The following IQANK1 variants were observed in gnomAD, a reference collection of about 807,000 sequenced individuals.
IQANK1 encodes IQ motif and ankyrin repeat domain-containing protein 1.
In IQANK1, 30 loss-of-function variants were observed where a neutral mutation model predicts 22.6. That is an observed-to-expected ratio of 1.33 (90% CI 0.99 to 1.80). The LOEUF (loss-of-function observed/expected upper bound fraction) is 1.80. Among genes scored for constraint, IQANK1 ranks in the 40% most tolerant of loss-of-function variants. IQANK1 has a pLI of 0.00. For synonymous variants in IQANK1, 122 were observed against 99.6 expected (o/e 1.23, Z -1.34); for missense variants, 275 against 235.2 (o/e 1.17, Z -1.11).
intron 3 of IQANK1, among the ~76,000 whole-genome samples, chr8:143,757,868 T>G (rs1819322086): frequency 6.6e-6 from 1 of 152,176 alleles, no homozygotes. Flanking sequence ...CCTAGAAACT[T>G]CACTGACATT....
chr8:143,768,194 T>C (rs1563775638), intron 3 of IQANK1, among the ~76,000 whole-genome samples: 1 of 151,720 alleles, frequency 6.6e-6, no homozygotes, highest in Non-Finnish European at 1.5e-5. Context: ...AGGCTCTGTT[T>C]CTAAAAATTA....
intron 3 of IQANK1, among the ~76,000 whole-genome samples, chr8:143,770,478 C>T (rs1279732989): frequency 6.6e-6 from 1 of 152,248 alleles, no homozygotes; most frequent in African/African-American, 2.4e-5. Flanking sequence ...CACCCTGCCC[C>T]CGCTGGCTGC....
chr8:143,771,348 C>G lies in IQANK1; in HGVS notation c.176-140C>G, dbSNP rs1166227549. On this transcript the variant is annotated intron_variant, in intron 3 of 13. Transcript: ENST00000527139. The surrounding 1 kb of genome is among the most constrained non-coding windows in gnomAD (Gnocchi z 6.0). Reference sequence around the variant, plus strand: ...GCCTCTGCGGGCGGGAACCCCGGCTCGGCCGCGCTGGGGGCTTTGAGAGCC... The same window carrying G: ...GCCTCTGCGGGCGGGAACCCCGGCTGGGCCGCGCTGGGGGCTTTGAGAGCC... The G allele has an allele frequency of 5.3e-6, 2 of 377,308 alleles. No individual in the cohort carries two copies. The highest frequency in any genetic ancestry group is 7.5e-5 in the East Asian group (2 of 26,826). 23.4% of individuals were successfully genotyped at this position (377,308 alleles called of 1,614,324 possible). A position where few individuals can be genotyped will look rare whatever the true frequency, so the allele number is the denominator to read the frequency against.
At chr8:143,763,898 T>A (rs1440845564) in intron 3 of IQANK1, among the ~76,000 whole-genome samples, 1 of 152,230 alleles carries the variant, frequency 6.6e-6, no homozygotes, top group East Asian at 1.9e-4. Flanking sequence ...AACCCTCTTT[T>A]AACATATGAA....
intron 3 of IQANK1, among the ~76,000 whole-genome samples, chr8:143,751,627 TG>T (rs1403529518): frequency 5.6e-4 from 36 of 64,340 alleles, no homozygotes; most frequent in Non-Finnish European, 9.1e-4. Context: ...AAAAAAAAAG[TG>T]TGTGTGTGTG....
rs1263712336 is a variant in IQANK1 at position 143,739,904 on chromosome 8, A to G, written c.131A>G (p.Gln44Arg). The G allele has an allele frequency of 1.9e-5, 13 of 698,144 alleles. No homozygotes were observed. The highest frequency in any genetic ancestry group is 3.4e-5 in the Non-Finnish European group (13 of 383,090). 43.2% of individuals were successfully genotyped at this position (698,144 alleles called of 1,614,324 possible). A position where few individuals can be genotyped will look rare whatever the true frequency, so the allele number is the denominator to read the frequency against. Reference protein sequence around the residue: ...NRPPQRKAGWQAREPASAESP... With the variant: ...NRPPQRKAGWRAREPASAESP... ...CCGCCGCAGAGGAAAGCGGGCTGGC[A>G]GGCGAGGGAGCCCGCGTCGGCTGAG... The change falls in exon 3 of 14, where the codon CAG becomes CGG. Residue 44 changes from glutamine (Q) to arginine (R), a missense_variant. Physicochemically the swap from Gln to Arg is conservative, Grantham distance 43. Coordinates refer to ENST00000527139, the MANE Select transcript of IQANK1 (RefSeq NM_001381874.1).
intron 3 of IQANK1, among the ~76,000 whole-genome samples, chr8:143,748,306 TCTTTA>T (rs1248472862): frequency 2.0e-5 from 3 of 151,424 alleles, no homozygotes; most frequent in Non-Finnish European, 4.4e-5. Context: ...GTCCTTTATT[TCTTTA>T]CTTATCTTCT....
intron 2 of IQANK1, among the ~76,000 whole-genome samples, chr8:143,737,081 A>C (rs1818759510): frequency 6.6e-6 from 1 of 152,162 alleles, no homozygotes; most frequent in Non-Finnish European, 1.5e-5. Context: ...GTTAGATCCT[A>C]GTTCCCCAAA....
intron 2 of IQANK1, among the ~76,000 whole-genome samples, chr8:143,737,815 C>G (rs1008539316): frequency 3.3e-5 from 5 of 152,228 alleles, no homozygotes; most frequent in South Asian, 2.1e-4. Flanking sequence ...CCCGCCACAG[C>G]TGCATCTGCA....
intron 7 of IQANK1, among the ~76,000 whole-genome samples, chr8:143,773,347 C>T (rs928839156): frequency 2.6e-5 from 4 of 151,822 alleles, no homozygotes; most frequent in Non-Finnish European, 4.4e-5. Flanking sequence ...CAGAGTCTGC[C>T]CTGGGCCAGG....
At chr8:143,784,434 A>G (rs1472991112) in intron 7 of IQANK1, among the ~76,000 whole-genome samples, 1 of 152,064 alleles carries the variant, frequency 6.6e-6, no homozygotes, top group African/African-American at 2.4e-5. Context: ...CCCTAGCCAT[A>G]CTTCCTGTAC....
rs1819583749 is a variant in IQANK1 at position 143,771,973 on chromosome 8, G to A, written c.471+8G>A. 6.4e-6 allele frequency: 1 copy of A among 155,062 alleles called. No homozygotes were observed. The highest frequency in any genetic ancestry group is 6.8e-5 in the Admixed American group (1 of 14,800). The allele number at this position is 155,062 out of a possible 1,614,324, so 9.6% of individuals were successfully genotyped here. ...CGGGCGGTGCTGAAGGAGGTCAGCGGGGGCGGGAGGAGGACGAGGGCGGGG... is the reference window on the plus strand; with the variant it reads ...CGGGCGGTGCTGAAGGAGGTCAGCGAGGGCGGGAGGAGGACGAGGGCGGGG... On this transcript the variant is annotated splice_region_variant and intron_variant, in intron 5 of 13. Transcript: ENST00000527139. This position sits in a 1 kb window ranked among gnomAD's most constrained non-coding sequence, Gnocchi z 6.0.
At chr8:143,763,075 G>T (rs1819425163) in intron 3 of IQANK1, among the ~76,000 whole-genome samples, 1 of 151,560 alleles carries the variant, frequency 6.6e-6, no homozygotes, top group South Asian at 2.1e-4. Context: ...GGAGTGCAGT[G>T]GTGCGATCTC....
intron 3 of IQANK1, among the ~76,000 whole-genome samples, chr8:143,761,217 TC>T (rs1312536367): frequency 1.3e-5 from 2 of 151,984 alleles, no homozygotes; most frequent in African/African-American, 4.8e-5. Flanking sequence ...CTCCTCCGGC[TC>T]CCCGCCGCCA....
At chr8:143,749,932 A>G (rs1819155266) in intron 3 of IQANK1, among the ~76,000 whole-genome samples, 1 of 151,750 alleles carries the variant, frequency 6.6e-6, no homozygotes, top group African/African-American at 2.4e-5. Flanking sequence ...TTCTTGCTAT[A>G]TTGAACTTTT....
At chr8:143,737,808 G>A (rs112584623) in intron 2 of IQANK1, among the ~76,000 whole-genome samples, 3 of 152,314 alleles carry the variant, frequency 2.0e-5, no homozygotes, top group South Asian at 4.1e-4. Context: ...TGCTCCTCCC[G>A]CCACAGCTGC....
chr8:143,780,594 C>T (rs1052755948), intron 7 of IQANK1, among the ~76,000 whole-genome samples: 5 of 152,234 alleles, frequency 3.3e-5, no homozygotes, highest in South Asian at 2.1e-4. Context: ...TCTGTTCCTG[C>T]GATAGTTTGC....
At chr8:143,778,021 C>T (rs1554630617) in intron 7 of IQANK1, among the ~76,000 whole-genome samples, 3 of 152,054 alleles carry the variant, frequency 2.0e-5, no homozygotes, top group African/African-American at 4.8e-5. Flanking sequence ...GGTGAAACCC[C>T]GTCTCTACTA....
At chr8:143,781,697 A>G (rs545606791) in intron 7 of IQANK1, among the ~76,000 whole-genome samples, 30 of 152,258 alleles carry the variant, frequency 2.0e-4, no homozygotes, top group African/African-American at 7.0e-4. Flanking sequence ...GTGTAGTACC[A>G]TACTGTTTTG....
Sources: allele counts gnomAD v4.1 joint callset (sites outside exome capture counted in the v4.1 genomes callset), GRCh38; gene constraint gnomAD v4.1.1; non-coding constraint Gnocchi (gnomAD v3.1); transcripts MANE v1.5; gene names NCBI Gene and HGNC (gene_info 2026-07-23, HGNC 2026-07-21).